Variants in VTI1A observed in about 807,000 individuals in gnomAD.
VTI1A encodes vesicle transport through interaction with t-SNAREs homolog 1A.
VTI1A carries 22 observed loss-of-function variants against 34.9 expected under a neutral mutation model. The ratio of observed to expected loss-of-function variants is 0.63; its 90% CI spans 0.45 to 0.90. The LOEUF is 0.90. Among genes scored for constraint, VTI1A ranks in the 40% least tolerant of loss-of-function variants. The probability of loss-of-function intolerance (pLI) is 0.00; values close to 1 mark genes in which losing one functional copy is unlikely to be tolerated. For missense variants in VTI1A, 268 were observed against 275.6 expected (o/e 0.97, Z 0.20); for synonymous variants, 87 against 97.3 (o/e 0.89, Z 0.62).
chr10:112,805,025 TA>T (rs1368509366), intron 7 of VTI1A, among the ~76,000 whole-genome samples: 1 of 151,404 alleles, frequency 6.6e-6, no homozygotes, highest in Non-Finnish European at 1.5e-5. Flanking sequence ...CACGCCTGGC[TA>T]TTTTTTTTTT....
chr10:112,619,363 G>A (rs1388017733), intron 5 of VTI1A, among the ~76,000 whole-genome samples: 1 of 152,070 alleles, frequency 6.6e-6, no homozygotes, highest in African/African-American at 2.4e-5. Flanking sequence ...GGAGGTCTGG[G>A]TAAGCACGTT....
At chr10:112,707,261 C>T (rs368210890) in intron 7 of VTI1A, among the ~76,000 whole-genome samples, 7 of 152,014 alleles carry the variant, frequency 4.6e-5, no homozygotes, top group South Asian at 4.2e-4. Flanking sequence ...TCAGCCTTCC[C>T]GGGGTCAGGT....
intron 7 of VTI1A, among the ~76,000 whole-genome samples, chr10:112,739,314 T>G (rs1271772286): frequency 1.3e-5 from 2 of 152,182 alleles, no homozygotes; most frequent in Non-Finnish European, 2.9e-5. Context: ...GAAAAACAAT[T>G]GCCCACAGTG....
At chr10:112,838,136 G>A in the VTI1A span, among the ~76,000 whole-genome samples, 6 of 152,242 alleles carry the variant, frequency 3.9e-5, no homozygotes, top group South Asian at 1.0e-3. Flanking sequence ...TGCCCACGTG[G>A]CCTGGGAGGA....
chr10:112,716,032 G>A (rs143514631), intron 7 of VTI1A, among the ~76,000 whole-genome samples: 13 of 152,326 alleles, frequency 8.5e-5, no homozygotes, highest in East Asian at 7.7e-4. Flanking sequence ...GGACCTGCCA[G>A]CTGGGAGCGG....
At chr10:112,797,260 T>G (rs1182798391) in intron 7 of VTI1A, among the ~76,000 whole-genome samples, 2 of 152,188 alleles carry the variant, frequency 1.3e-5, no homozygotes, top group African/African-American at 4.8e-5. Flanking sequence ...TTTCCAGGCT[T>G]TAAAGCATCT....
chr10:112,448,871 T>G (rs1331485219), intron 1 of VTI1A: 3 of 152,202 alleles, frequency 2.0e-5, no homozygotes, highest in Admixed American at 6.5e-5. Flanking sequence ...TCACCTATTT[T>G]CTGTTAATAG....
chr10:112,581,522 G>A (rs1045328866), intron 5 of VTI1A, among the ~76,000 whole-genome samples: 1 of 152,194 alleles, frequency 6.6e-6, no homozygotes, highest in African/African-American at 2.4e-5. Context: ...CCTACCTTGT[G>A]GGTTTGGTAG....
intron 1 of VTI1A, among the ~76,000 whole-genome samples, chr10:112,455,934 C>T (rs1847508275): frequency 6.6e-6 from 1 of 152,114 alleles, no homozygotes; most frequent in Admixed American, 6.5e-5. Context: ...CCAGTCCTCA[C>T]TAAAATGAGC....
chr10:112,490,212 T>G (rs1304707412), intron 3 of VTI1A, among the ~76,000 whole-genome samples: 2 of 152,224 alleles, frequency 1.3e-5, no homozygotes, highest in Non-Finnish European at 2.9e-5. Flanking sequence ...AAAATAAATG[T>G]ATTTCTGCTG....
intron 5 of VTI1A, among the ~76,000 whole-genome samples, chr10:112,655,571 G>A (rs948459878): frequency 2.6e-5 from 4 of 152,136 alleles, no homozygotes; most frequent in Non-Finnish European, 1.5e-5. Flanking sequence ...AGGAAGGGGA[G>A]GAAGTGTGTT....
At chr10:112,726,328 A>T (rs944544239) in intron 7 of VTI1A, among the ~76,000 whole-genome samples, 2 of 152,214 alleles carry the variant, frequency 1.3e-5, no homozygotes, top group Non-Finnish European at 2.9e-5. Flanking sequence ...ATGTTGAAGA[A>T]TAATGGTACC....
intron 3 of VTI1A, among the ~76,000 whole-genome samples, chr10:112,480,496 G>A (rs1193164583): frequency 6.6e-6 from 1 of 152,144 alleles, no homozygotes; most frequent in East Asian, 1.9e-4. Context: ...GAAACAGGGA[G>A]GGTCATTCAA....
At chr10:112,717,701 T>C (rs2133933938) in intron 7 of VTI1A, among the ~76,000 whole-genome samples, 1 of 152,118 alleles carries the variant, frequency 6.6e-6, no homozygotes, top group Non-Finnish European at 1.5e-5. Context: ...ATCTAATAAG[T>C]CACACAGTGC....
chr10:112,794,118 T>G (rs1296287525), intron 7 of VTI1A, among the ~76,000 whole-genome samples: 3 of 152,304 alleles, frequency 2.0e-5, no homozygotes, highest in African/African-American at 7.2e-5. Context: ...GTGATGTTTT[T>G]GTACTGTGGG....
intron 7 of VTI1A, among the ~76,000 whole-genome samples, chr10:112,757,351 ATTTTTTTTTT>A (rs1175362768): frequency 6.4e-4 from 26 of 40,694 alleles, no homozygotes; most frequent in South Asian, 6.2e-3. Flanking sequence ...TGTTGCTGTG[ATTTTTTTTTT>A]TTTTTTTTTT....
intron 7 of VTI1A, among the ~76,000 whole-genome samples, chr10:112,677,037 C>T (rs1288439061): frequency 6.6e-6 from 1 of 152,064 alleles, no homozygotes. Context: ...AAAGTAATGG[C>T]GTGGAATCTT....
chr10:112,662,233 G>C (rs930400002), intron 5 of VTI1A, among the ~76,000 whole-genome samples: 1 of 152,162 alleles, frequency 6.6e-6, no homozygotes, highest in African/African-American at 2.4e-5. Flanking sequence ...TAGTTCTTCA[G>C]ATATTTATTC....
chr10:112,696,480 A>G (rs1035969662), intron 7 of VTI1A, among the ~76,000 whole-genome samples: 1 of 152,246 alleles, frequency 6.6e-6, no homozygotes, highest in African/African-American at 2.4e-5. Context: ...GATTGTCTAC[A>G]TTCTATATCC....
Sources: gnomAD v4.1 joint callset for allele counts (sites outside exome capture counted in the v4.1 genomes callset) on GRCh38, gnomAD v4.1.1 for gene constraint, MANE v1.5 for transcripts, NCBI Gene and HGNC (gene_info 2026-07-23, HGNC 2026-07-21) for gene names.